The following ABLIM2 variants were observed in gnomAD, a reference collection of about 807,000 sequenced individuals.
ABLIM2 encodes the protein actin binding LIM protein family member 2.
In ABLIM2, 53 loss-of-function variants were observed where a neutral mutation model predicts 97.7. The ratio of observed to expected loss-of-function variants is 0.54; its 90% CI spans 0.44 to 0.68. ABLIM2 has a LOEUF of 0.68. Ranked by LOEUF, ABLIM2 falls within the 30% of genes least tolerant of loss-of-function variation. The pLI, the probability that ABLIM2 is intolerant of heterozygous loss-of-function variation, is 0.00. For missense variants in ABLIM2, 835 were observed against 867.2 expected, an observed-to-expected ratio of 0.96 and a Z score of 0.47; for synonymous variants, 361 against 345.8, an observed-to-expected ratio of 1.04 and a Z score of -0.49.
intron 1 of ABLIM2, among the ~76,000 whole-genome samples, chr4:8,116,450 G>T (rs1578181572): frequency 6.6e-6 from 1 of 152,170 alleles, no homozygotes; most frequent in South Asian, 2.1e-4. Context: ...TACACAAGAT[G>T]CCCAGGAACG....
At chr4:7,969,663 A>G (rs2149344300) in intron 20 of ABLIM2, among the ~76,000 whole-genome samples, 1 of 151,720 alleles carries the variant, frequency 6.6e-6, no homozygotes, top group South Asian at 2.1e-4. Flanking sequence ...GACTCAGGAA[A>G]TCCCCCAGAA....
chr4:8,084,613 T>TC (rs35279734), intron 4 of ABLIM2, among the ~76,000 whole-genome samples: 39,179 of 151,978 alleles, frequency 0.26, 5,641 homozygotes, highest in East Asian at 0.61. Flanking sequence ...TGCCTCTTCA[T>TC]CCCTCACTCT....
At chr4:8,137,393 C>T (rs370756021) in intron 1 of ABLIM2, among the ~76,000 whole-genome samples, 12 of 152,288 alleles carry the variant, frequency 7.9e-5, no homozygotes, top group African/African-American at 1.7e-4. Flanking sequence ...ACAGTGGGGG[C>T]GGCCAAGGGC....
In ABLIM2 at chr4:8,001,014, C is replaced by T. The variant is rs1041122197; in HGVS notation, c.1618+7045G>A. 3.3e-5 allele frequency among the ~76,000 whole-genome samples: 5 copies of T among 152,202 alleles called. No homozygotes were observed. The highest frequency in any genetic ancestry group is 1.2e-4 in the African/African-American group (5 of 41,452). ...GTGGGCACCTGACCCGTGAGCCACTCGCTTGGGCAGTTCCCATCCGCTCCT... is the reference window on the plus strand; with the variant it reads ...GTGGGCACCTGACCCGTGAGCCACTTGCTTGGGCAGTTCCCATCCGCTCCT... On this transcript the variant is annotated intron_variant, in intron 16 of 20. Transcript: ENST00000447017. The surrounding 1 kb of genome is among the most constrained non-coding windows in gnomAD (Gnocchi z 4.2).
intron 10 of ABLIM2, among the ~76,000 whole-genome samples, chr4:8,030,084 T>C (rs1029803778): frequency 2.0e-5 from 3 of 152,130 alleles, no homozygotes; most frequent in South Asian, 2.1e-4. Context: ...ATCCTCCAGG[T>C]CTCCTCCTGC....
intron 8 of ABLIM2, among the ~76,000 whole-genome samples, chr4:8,047,730 C>T (rs563678503): frequency 4.7e-4 from 72 of 152,322 alleles, no homozygotes; most frequent in African/African-American, 1.7e-3. Flanking sequence ...TCAGCATCCT[C>T]GTCCATCCCC....
intron 20 of ABLIM2, among the ~76,000 whole-genome samples, chr4:7,971,446 A>G (rs1344894973): frequency 6.6e-6 from 1 of 152,172 alleles, no homozygotes; most frequent in Admixed American, 6.5e-5. Context: ...TGGTTTCCCC[A>G]GGGAACATCC....
Position 8,027,693 on chromosome 4 carries a change from C to T in ABLIM2, c.1267+66G>A, listed in dbSNP as rs114351790. The T allele has an allele frequency of 2.2e-3, 2,910 of 1,301,882 alleles. 58 individuals carry two copies. The African/African-American group carries it at 0.039, about 18-fold the overall frequency. The allele number at this position is 1,301,882 out of a possible 1,614,324, so 80.6% of individuals were successfully genotyped here. ...GAAGCCATGCGGCAGACATGGACAG[C>T]GAGCACACAGACGCCGGGCGTGGAC... On this transcript the variant is annotated intron_variant, in intron 12 of 20. Transcript: ENST00000447017.
At chr4:8,152,991 C>G (rs1448632883) in intron 1 of ABLIM2, among the ~76,000 whole-genome samples, 1 of 152,176 alleles carries the variant, frequency 6.6e-6, no homozygotes, top group African/African-American at 2.4e-5. Flanking sequence ...CCAAGGGGTG[C>G]AGCAAGGAAG....
rs149288578 is a variant in ABLIM2 at position 8,131,145 on chromosome 4, G to A, written c.11-24508C>T. Among the ~76,000 whole-genome samples the A allele has an allele frequency of 5.6e-3, 857 of 152,282 alleles. 10 individuals carry two copies. Among genetic ancestry groups the A allele is most frequent in the African/African-American group, 0.019 (778 of 41,530 alleles). ...ATCCTGGTGTAAGCCCATCTGTAAA[G>A]ACCCTTTTTCCACATAAGGCAATAT... On this transcript the variant is annotated intron_variant, in intron 1 of 20. Coordinates refer to ENST00000447017, the MANE Select transcript of ABLIM2 (RefSeq NM_001130083.2).
intron 20 of ABLIM2, among the ~76,000 whole-genome samples, chr4:7,978,861 C>A (rs1388102962): frequency 6.6e-6 from 1 of 152,172 alleles, no homozygotes; most frequent in African/African-American, 2.4e-5. Context: ...CTTCTCTGGC[C>A]ACTGGGGGAT....
rs41266509 is a variant in ABLIM2, at chr4:7,992,999, G to A, written c.1619-72C>T. ...AGCAATGGGGGTGCAGCCCTGGGGGGGCTTCCCACCGGGGTGGGCAAGGCT... is the reference window on the plus strand; with the variant it reads ...AGCAATGGGGGTGCAGCCCTGGGGGAGCTTCCCACCGGGGTGGGCAAGGCT... On this transcript the variant is annotated intron_variant, in intron 16 of 20. Coordinates refer to ENST00000447017, the MANE Select transcript of ABLIM2 (RefSeq NM_001130083.2). This position sits in a 1 kb window ranked among gnomAD's most constrained non-coding sequence, Gnocchi z 5.7. The A allele has an allele frequency of 6.2e-5, 95 of 1,540,484 alleles. No individual in the cohort carries two copies. In the African/African-American group the frequency reaches 1.2e-3, roughly 20 times the overall value.
Position 8,083,416 on chromosome 4 carries a change from C to G in ABLIM2, c.455-2614G>C, listed in dbSNP as rs1484768204. 6.6e-6 allele frequency among the ~76,000 whole-genome samples: 1 copy of G among 152,198 alleles called. No homozygotes were observed. The highest frequency in any genetic ancestry group is 1.5e-5 in the Non-Finnish European group (1 of 68,036). On this transcript the variant is annotated intron_variant, in intron 4 of 20. Transcript: ENST00000447017. The surrounding 1 kb of genome is among the most constrained non-coding windows in gnomAD (Gnocchi z 4.6). ...AGGTGGTCCCCTCACGGGTGGCCTG[C>G]TCCCTCTGTGATGCCTTTATGGGCA...
Position 7,967,024 on chromosome 4 carries a change from C to G in ABLIM2, c.1904G>C (p.Arg635Thr). 1 of 1,613,848 alleles carries G rather than the reference C, an allele frequency of 6.2e-7. No individual in the cohort carries two copies. Among genetic ancestry groups the G allele is most frequent in the Non-Finnish European group, 8.5e-7 (1 of 1,179,954 alleles). Residue 635 changes from arginine (R) to threonine (T), a missense_variant, in exon 21 of 21, where the codon AGG becomes ACG. Coordinates refer to ENST00000447017, the MANE Select transcript of ABLIM2 (RefSeq NM_001130083.2). ...EEFDRLALWKRNDLKKKALLF is the reference protein window; with the variant it reads ...EEFDRLALWKTNDLKKKALLF Reference sequence around the variant, plus strand: ...AAGGGCTTTCTTCTTAAGGTCATTCCTCTTCCAGAGGGCCAGGCGGTCAAA... The same window carrying G: ...AAGGGCTTTCTTCTTAAGGTCATTCGTCTTCCAGAGGGCCAGGCGGTCAAA...
At chr4:8,029,903 T>A in intron 10 of ABLIM2, 127 bp from the exon 11 acceptor site, 1 of 1,290,694 alleles carries the variant, frequency 7.7e-7, no homozygotes, top group Non-Finnish European at 1.1e-6. Context: ...CATGGCCCCA[T>A]GTGGGAATCT....
In ABLIM2 at chr4:7,970,261, G is replaced by A. The variant is rs1333690115; in HGVS notation, c.1825-3158C>T. Among the ~76,000 whole-genome samples the A allele has an allele frequency of 6.6e-6, 1 of 152,102 alleles. No homozygotes were observed. ...GAAGGGCGAGGAGAGTTCAGTGCTG[G>A]TGCCTGGGGCAGGCCTCCCTGTGGC... On this transcript the variant is annotated intron_variant, in intron 20 of 20. Transcript: ENST00000447017. This position sits in a 1 kb window ranked among gnomAD's most constrained non-coding sequence, Gnocchi z 5.3.
At position 7,985,956 on chromosome 4, in the gene ABLIM2, C is replaced by T. The variant is rs186545369; in HGVS notation, c.1681-1063G>A. Among the ~76,000 whole-genome samples, 664 of 152,388 alleles carry T rather than the reference C, an allele frequency of 4.4e-3. 2 individuals are homozygous for T. Among genetic ancestry groups the T allele is most frequent in the South Asian group, 0.026 (125 of 4,826 alleles). ...CGGGCAGTCCTGCCCCTGCCCACTT[C>T]CTGCCCCTTGCTGGGGCCCGGGGTT... is the stretch of plus-strand genomic sequence containing the variant. On this transcript the variant is annotated intron_variant, in intron 17 of 20. Coordinates refer to ENST00000447017, the MANE Select transcript of ABLIM2 (RefSeq NM_001130083.2).
intron 6 of ABLIM2, among the ~76,000 whole-genome samples, chr4:8,064,310 G>A (rs1354182375): frequency 6.6e-6 from 1 of 152,196 alleles, no homozygotes; most frequent in Non-Finnish European, 1.5e-5. Flanking sequence ...ATTGAGAGGG[G>A]GGCCCTTAAG....
At chr4:7,983,830 T>C (rs922708545) in intron 18 of ABLIM2, among the ~76,000 whole-genome samples, 1 of 152,234 alleles carries the variant, frequency 6.6e-6, no homozygotes, top group African/African-American at 2.4e-5. Flanking sequence ...TCAGCTGTGA[T>C]GCTGTCTCTC....
Sources: gnomAD v4.1 joint callset for allele counts (sites outside exome capture counted in the v4.1 genomes callset) on GRCh38, gnomAD v4.1.1 for gene constraint, Gnocchi (gnomAD v3.1) non-coding constraint, MANE v1.5 for transcripts, NCBI Gene and HGNC (gene_info 2026-07-23, HGNC 2026-07-21) for gene names.